Variants in HECW1 observed in about 807,000 individuals in gnomAD.
The protein encoded by HECW1 is HECT, C2 and WW domain containing E3 ubiquitin protein ligase 1.
In HECW1, 61 loss-of-function variants were observed where a neutral mutation model predicts 182.3. The observed-to-expected ratio is 0.33, with a 90% CI of 0.27 to 0.41. The LOEUF (loss-of-function observed/expected upper bound fraction) is 0.41, where lower values mean the gene tolerates loss of function less well. HECW1 is among the 10% of genes least tolerant of loss of function. The pLI, the probability that HECW1 is intolerant of heterozygous loss-of-function variation, is 1.00. For missense variants in HECW1, 1,739 were observed against 2,108.9 expected, an observed-to-expected ratio of 0.82 and a Z score of 3.44; for synonymous variants, 859 against 832.6, an observed-to-expected ratio of 1.03 and a Z score of -0.55.
chr7:43,352,090 T>C (rs1425261007), intron 5 of HECW1, among the ~76,000 whole-genome samples: 1 of 152,170 alleles, frequency 6.6e-6, no homozygotes, highest in Non-Finnish European at 1.5e-5. Flanking sequence ...TCAACACACT[T>C]ACCCCTAGAG....
At chr7:43,175,766 G>A (rs915467598) in intron 2 of HECW1, among the ~76,000 whole-genome samples, 2 of 152,156 alleles carry the variant, frequency 1.3e-5, no homozygotes, top group African/African-American at 4.8e-5. Context: ...TTCACTCCAG[G>A]CTTGTGCAAA....
At chr7:43,434,328 A>G (rs1037461906) in intron 8 of HECW1, among the ~76,000 whole-genome samples, 5 of 152,274 alleles carry the variant, frequency 3.3e-5, no homozygotes, top group Non-Finnish European at 7.3e-5. Context: ...GGGTCTGGAT[A>G]GAATAGGAAT....
intron 11 of HECW1, among the ~76,000 whole-genome samples, chr7:43,448,183 T>C (rs1201901031): frequency 1.3e-5 from 2 of 152,058 alleles, no homozygotes; most frequent in Non-Finnish European, 2.9e-5. Flanking sequence ...TTAACCCAGG[T>C]GGATTTGTTG....
intron 4 of HECW1, among the ~76,000 whole-genome samples, chr7:43,317,694 T>G (rs566279322): frequency 1.1e-4 from 16 of 152,318 alleles, no homozygotes; most frequent in Non-Finnish European, 1.5e-4. Flanking sequence ...GTGATACTTG[T>G]GATTAAGTGT....
chr7:43,322,340 G>A (rs1300165595), intron 5 of HECW1, among the ~76,000 whole-genome samples: 4 of 152,148 alleles, frequency 2.6e-5, no homozygotes, highest in South Asian at 2.1e-4. Flanking sequence ...GATTACAGGC[G>A]TGAGCCACCG....
intron 2 of HECW1, among the ~76,000 whole-genome samples, chr7:43,209,734 T>C (rs1161385012): frequency 2.6e-5 from 4 of 152,052 alleles, no homozygotes; most frequent in Middle Eastern, 3.2e-3. Flanking sequence ...AATTGGTTAT[T>C]TGAGTGAGAA....
Position 43,312,019 on chromosome 7 carries a change from A to G in HECW1, c.284A>G (p.Asp95Gly). The G allele has an allele frequency of 3.1e-6, 5 of 1,614,254 alleles. No individual in the cohort carries two copies. The highest frequency in any genetic ancestry group is 4.2e-6 in the Non-Finnish European group (5 of 1,180,056). Residue 95 changes from aspartate to glycine, a missense_variant, in exon 4 of 30, where the codon GAC (aspartate) becomes GGC (glycine). Physicochemically the swap from Asp to Gly is moderately conservative, Grantham distance 94. This residue lies in a region of HECW1 where 279 missense variants were observed against 353.1 expected (regional missense o/e 0.79). Coordinates refer to ENST00000395891, the MANE Select transcript of HECW1 (RefSeq NM_015052.5). ...SSYYSIGHSQDLVIHWDIKEE... is the reference protein window; with the variant it reads ...SSYYSIGHSQGLVIHWDIKEE... ...TACTATTCCATCGGGCACTCTCAGG[A>G]CCTGGTCATCCACTGGGACATAAAG...
At chr7:43,414,734 C>T (rs1381687050) in intron 8 of HECW1, among the ~76,000 whole-genome samples, 2 of 148,214 alleles carry the variant, frequency 1.3e-5, no homozygotes, top group African/African-American at 5.0e-5. Context: ...TTGTCTTTGG[C>T]TCTGTTTATA....
At chr7:43,184,307 T>C (rs12702021) in intron 2 of HECW1, among the ~76,000 whole-genome samples, 36,699 of 152,162 alleles carry the variant, frequency 0.24, 4,634 homozygotes, top group Middle Eastern at 0.27. Context: ...GCCACCGCCC[T>C]GCCAATTCTT....
At chr7:43,119,135 A>G (rs896775651) in intron 2 of HECW1, 1 of 152,302 alleles carries the variant, frequency 6.6e-6, no homozygotes, top group Non-Finnish European at 1.5e-5. Context: ...TCTTATTTGA[A>G]GCTACTTTTG....
At chr7:43,556,877 A>C (rs1425335989) in intron 29 of HECW1, among the ~76,000 whole-genome samples, 1 of 152,164 alleles carries the variant, frequency 6.6e-6, no homozygotes, top group Non-Finnish European at 1.5e-5. Flanking sequence ...TCTAAGGCAG[A>C]CATTGGGCTT....
intron 2 of HECW1, among the ~76,000 whole-genome samples, chr7:43,185,483 G>A (rs774469703): frequency 3.9e-5 from 6 of 152,168 alleles, no homozygotes; most frequent in Non-Finnish European, 7.3e-5. Context: ...GGACTGAGCC[G>A]TCAACCTGTG....
chr7:43,440,510 A>G (rs968615033), intron 9 of HECW1: 1 of 152,258 alleles, frequency 6.6e-6, no homozygotes, highest in Non-Finnish European at 1.5e-5. Context: ...ATTTAAAGGC[A>G]GGGGCGATGT....
chr7:43,542,211 C>T (rs1228502043), intron 26 of HECW1, among the ~76,000 whole-genome samples: 1 of 152,146 alleles, frequency 6.6e-6, no homozygotes, highest in Non-Finnish European at 1.5e-5. Flanking sequence ...CCACCCACAA[C>T]TCCTGGCAAC....
chr7:43,288,109 G>A (rs549622545), intron 3 of HECW1, among the ~76,000 whole-genome samples: 20 of 152,216 alleles, frequency 1.3e-4, no homozygotes, highest in African/African-American at 4.8e-4. Context: ...CCCTTGTCTT[G>A]TTTCATCAAG....
intron 17 of HECW1, among the ~76,000 whole-genome samples, chr7:43,483,740 G>C (rs1171595006): frequency 1.3e-5 from 2 of 151,842 alleles, no homozygotes; most frequent in Non-Finnish European, 1.5e-5. Flanking sequence ...GTAGAGACGG[G>C]GTTTCACCAT....
intron 3 of HECW1, among the ~76,000 whole-genome samples, chr7:43,292,224 A>AT (rs1805482438): frequency 6.6e-6 from 1 of 152,196 alleles, no homozygotes; most frequent in African/African-American, 2.4e-5. Flanking sequence ...ATATCTTAGG[A>AT]TAATGTGTCC....
At chr7:43,267,913 A>G (rs1801970136) in intron 3 of HECW1, among the ~76,000 whole-genome samples, 1 of 152,232 alleles carries the variant, frequency 6.6e-6, no homozygotes, top group African/African-American at 2.4e-5. Context: ...AACTTGCCAG[A>G]TAATTTTTAA....
At chr7:43,421,776 T>C (rs923538100) in intron 8 of HECW1, among the ~76,000 whole-genome samples, 4 of 152,082 alleles carry the variant, frequency 2.6e-5, no homozygotes, top group African/African-American at 9.7e-5. Context: ...CTGAAGAAGA[T>C]CAACAATGAT....
Sources: allele counts gnomAD v4.1 joint callset (sites outside exome capture counted in the v4.1 genomes callset), GRCh38; gene constraint gnomAD v4.1.1; regional missense constraint gnomAD v4.1.1; transcripts MANE v1.5; gene names NCBI Gene and HGNC (gene_info 2026-07-23, HGNC 2026-07-21).